The following HGSNAT variants were observed in gnomAD, a reference collection of about 807,000 sequenced individuals.
The protein encoded by HGSNAT is transmembrane protein 76.
HGSNAT carries 59 observed loss-of-function variants against 85.2 expected under a neutral mutation model. The observed-to-expected ratio is 0.69, with a 90% CI of 0.56 to 0.86. The LOEUF is 0.86. HGSNAT is among the 40% of genes least tolerant of loss of function. The probability of loss-of-function intolerance (pLI) is 0.00; values close to 1 mark genes in which losing one functional copy is unlikely to be tolerated. For missense variants in HGSNAT, 756 were observed against 777.1 expected, an observed-to-expected ratio of 0.97 and a Z score of 0.32; for synonymous variants, 321 against 304.5, an observed-to-expected ratio of 1.05 and a Z score of -0.56.
chr8:43,194,612 AG>A, intron 14 of HGSNAT: 4 of 726,726 alleles, frequency 5.5e-6, no homozygotes, highest in Non-Finnish European at 6.7e-6. Flanking sequence ...TCTCCTCCCA[AG>A]GTGGCAACTT....
chr8:43,155,636 A>C (rs956826301), intron 2 of HGSNAT, among the ~76,000 whole-genome samples: 3 of 152,132 alleles, frequency 2.0e-5, no homozygotes, highest in East Asian at 1.9e-4. Context: ...TCTGTTACCT[A>C]TGCACCAGTG....
intron 5 of HGSNAT, among the ~76,000 whole-genome samples, chr8:43,166,926 G>T (rs1191523106): frequency 6.6e-6 from 1 of 152,178 alleles, no homozygotes; most frequent in African/African-American, 2.4e-5. Flanking sequence ...ACATTAACAG[G>T]AGTTTGGAGG....
intron 14 of HGSNAT, among the ~76,000 whole-genome samples, chr8:43,195,655 T>TGGAGGAGGAGGAGGGAGGAGA (rs144111342): frequency 4.2e-3 from 286 of 67,486 alleles, no homozygotes; most frequent in Non-Finnish European, 4.6e-3. Context: ...GAGGAGGGGC[T>TGGAGGAGGAGGAGGGAGGAGA]GGAGGAGGAG....
chr8:43,146,796 CAAAGT>C (rs1802729866), intron 1 of HGSNAT, among the ~76,000 whole-genome samples, 147 bp from the exon 2 acceptor site: 1 of 152,072 alleles, frequency 6.6e-6, no homozygotes, highest in Non-Finnish European at 1.5e-5. Flanking sequence ...TGCGCATACA[CAAAGT>C]AATGTGTGAG....
At chr8:43,147,737 A>G (rs1802762775) in intron 2 of HGSNAT, among the ~76,000 whole-genome samples, 1 of 152,124 alleles carries the variant, frequency 6.6e-6, no homozygotes, top group African/African-American at 2.4e-5. Context: ...AGGAGACACT[A>G]GGGACTATTT....
intron 1 of HGSNAT, among the ~76,000 whole-genome samples, chr8:43,141,346 G>C (rs1166876035): frequency 6.6e-6 from 1 of 152,162 alleles, no homozygotes; most frequent in Non-Finnish European, 1.5e-5. Flanking sequence ...TTTGCCCCGG[G>C]CCCCGGACCC....
chr8:43,178,178 T>A lies in HGSNAT; in HGVS notation c.956T>A (p.Phe319Tyr), dbSNP rs1218595109. ...RLLGKIAWRS[F>Y]LLICIGIIIV... ...CTGGGGAAGATTGCATGGAGGAGTT[T>A]CCTGTTAATCTGCATAGGAATTATC... Residue 319 changes from phenylalanine to tyrosine, a missense_variant, in exon 10 of 18, where the codon TTC becomes TAC. Transcript: ENST00000379644. The A allele has an allele frequency of 2.5e-6, 4 of 1,596,782 alleles. No individual in the cohort carries two copies. The highest frequency in any genetic ancestry group is 3.4e-6 in the Non-Finnish European group (4 of 1,173,754).
chr8:43,141,508 T>C (rs1802544057), intron 1 of HGSNAT, among the ~76,000 whole-genome samples: 1 of 152,078 alleles, frequency 6.6e-6, no homozygotes, highest in South Asian at 2.1e-4. Flanking sequence ...CCCCAGGCCC[T>C]AGGTCCTTCG....
At chr8:43,165,045 T>A (rs1803390014) in intron 5 of HGSNAT, among the ~76,000 whole-genome samples, 1 of 4,086 alleles carries the variant, frequency 2.4e-4, no homozygotes, top group African/African-American at 4.0e-4. Flanking sequence ...ACCATGATAA[T>A]TTTTTTTTTT....
rs11348027 is a variant in HGSNAT, at chr8:43,178,026, AC to A, written c.852-47del. The stretch of plus-strand genomic sequence containing the variant: ...ATTATAAAATGTTACTGATATATAG[AC>A]AAAAAATTTGGAAATGGCCACCTAT... On this transcript the variant is annotated intron_variant, in intron 9 of 17. Transcript: ENST00000379644. 7.9e-4 allele frequency: 1,178 copies of A among 1,500,440 alleles called. 15 individuals are homozygous for A. In the African/African-American group the frequency reaches 0.014, roughly 18 times the overall value. 92.9% of individuals were successfully genotyped at this position (1,500,440 alleles called of 1,614,324 possible). A position where few individuals can be genotyped will look rare whatever the true frequency, so the allele number is the denominator to read the frequency against.
At chr8:43,161,075 A>G (rs1415425098) in intron 4 of HGSNAT, among the ~76,000 whole-genome samples, 1 of 152,150 alleles carries the variant, frequency 6.6e-6, no homozygotes, top group Non-Finnish European at 1.5e-5. Flanking sequence ...ATCCTGAAGT[A>G]TGTAGGGATG....
rs1804838317 is a variant in HGSNAT, at chr8:43,199,263, C to T, written c.1727-125C>T. ...TAAGATATGCATTACTTATTTTTGG[C>T]AGTAGCCAACAATGGAAGTGCACAC... On this transcript the variant is annotated intron_variant, in intron 17 of 17. Transcript: ENST00000379644. 6 of 631,546 alleles carry T rather than the reference C, an allele frequency of 9.5e-6. No homozygotes were observed. In the East Asian group the frequency reaches 1.7e-4, roughly 18 times the overall value. 39.1% of individuals were successfully genotyped at this position (631,546 alleles called of 1,614,324 possible). A position where few individuals can be genotyped will look rare whatever the true frequency, so the allele number is the denominator to read the frequency against.
intron 2 of HGSNAT, among the ~76,000 whole-genome samples, chr8:43,153,302 A>G (rs1425203445): frequency 6.6e-6 from 1 of 152,248 alleles, no homozygotes; most frequent in South Asian, 2.1e-4. Context: ...GATTCAAGTT[A>G]AAAAGTAAAC....
At chr8:43,192,109 A>G (rs1220776648) in intron 12 of HGSNAT, among the ~76,000 whole-genome samples, 195 bp from the exon 13 acceptor site, 1 of 151,856 alleles carries the variant, frequency 6.6e-6, no homozygotes, top group Non-Finnish European at 1.5e-5. Flanking sequence ...TTGTATTTTA[A>G]TAGAGACGGG....
At chr8:43,198,289 T>TC (rs1804797946) in intron 17 of HGSNAT, among the ~76,000 whole-genome samples, 2 of 140,914 alleles carry the variant, frequency 1.4e-5, no homozygotes, top group Middle Eastern at 3.2e-3. Flanking sequence ...TCTTTTTTTT[T>TC]TTTTTTTTTT....
At chr8:43,148,684 G>T (rs1802791661) in intron 2 of HGSNAT, among the ~76,000 whole-genome samples, 1 of 151,666 alleles carries the variant, frequency 6.6e-6, no homozygotes. Context: ...CAGCTACTTG[G>T]GAGGCTGAGG....
chr8:43,147,051 A>G lies in HGSNAT; in HGVS notation c.222A>G (p.Glu74=). The G allele has an allele frequency of 6.3e-7, 1 of 1,594,912 alleles. No homozygotes were observed. The change falls in exon 2 of 18, where the codon GAA becomes GAG. Residue 74 remains glutamate (E), a synonymous_variant. Transcript: ENST00000379644. ...WTNLTVYWKS[E]CCYHCLFQVL... Reference sequence around the variant, plus strand: ...ACTTGACCGTCTACTGGAAATCTGAATGCTGTTATCACGTATGTATCAGTT... The same window carrying G: ...ACTTGACCGTCTACTGGAAATCTGAGTGCTGTTATCACGTATGTATCAGTT...
Position 43,140,557 on chromosome 8 carries a change from G to A in HGSNAT, c.61G>A (p.Ala21Thr). ...LLLAASVLSA[A>T]LLAPGGSSGR... ...GCTGGCCGCGTCCGTGCTGAGCGCC[G>A]CGCTGCTGGCCCCCGGCGGCTCTTC... is the stretch of plus-strand genomic sequence containing the variant. The change falls in exon 1 of 18, where the codon GCG (alanine) becomes ACG (threonine). Residue 21 changes from alanine (A) to threonine (T), a missense_variant. Physicochemically the swap from Ala to Thr is moderately conservative, Grantham distance 58. Transcript: ENST00000379644. 1 of 1,201,874 alleles carries A rather than the reference G, an allele frequency of 8.3e-7. No individual in the cohort carries two copies. The highest frequency in any genetic ancestry group is 4.0e-5 in the Admixed American group (1 of 25,292). 74.5% of individuals were successfully genotyped at this position (1,201,874 alleles called of 1,614,324 possible).
intron 14 of HGSNAT, chr8:43,196,118 C>G: frequency 3.5e-6 from 1 of 286,038 alleles, no homozygotes; most frequent in East Asian, 1.0e-4. Flanking sequence ...TCTGCCACTT[C>G]CCAGCTGGGT....
Sources: allele counts gnomAD v4.1 joint callset (sites outside exome capture counted in the v4.1 genomes callset), GRCh38; gene constraint gnomAD v4.1.1; transcripts MANE v1.5; gene names NCBI Gene and HGNC (gene_info 2026-07-23, HGNC 2026-07-21).